ZNF93: variants seen among roughly 807,000 people sequenced by gnomAD.
ZNF93 encodes the protein zinc finger protein 505.
Under a neutral mutation model 45.0 loss-of-function variants are expected in ZNF93, and 29 were observed. The observed-to-expected ratio is 0.64, with a 90% CI of 0.48 to 0.88. The LOEUF (loss-of-function observed/expected upper bound fraction) is 0.88. Ranked by LOEUF, ZNF93 falls within the 40% of genes least tolerant of loss-of-function variation. The pLI, the probability that ZNF93 is intolerant of heterozygous loss-of-function variation, is 0.00. For missense variants in ZNF93, 578 were observed against 724.0 expected (o/e 0.80, Z 2.31); for synonymous variants, 223 against 244.6 (o/e 0.91, Z 0.82).
chr19:19,921,429 G>A (rs1389789742), intron 3 of ZNF93, among the ~76,000 whole-genome samples: 1 of 152,224 alleles, frequency 6.6e-6, no homozygotes, highest in Admixed American at 6.5e-5. Flanking sequence ...TTGATTTGGG[G>A]TGGAGAGTTC....
chr19:19,915,517 A>C (rs942977573), intron 2 of ZNF93, 111 bp downstream of exon 2: 45 of 1,394,890 alleles, frequency 3.2e-5, no homozygotes, highest in Non-Finnish European at 4.3e-5. Context: ...TTTCAGATCC[A>C]TTTTTTCCAG....
At chr19:19,918,492 G>A (rs1229961063) in intron 3 of ZNF93, among the ~76,000 whole-genome samples, 1 of 152,092 alleles carries the variant, frequency 6.6e-6, no homozygotes, top group African/African-American at 2.4e-5. Flanking sequence ...GGGTCCAATG[G>A]TATTTCTAGT....
chr19:19,933,739 T>C lies in ZNF93; in HGVS notation c.784T>C (p.Cys262Arg), dbSNP rs770168165. The C allele has an allele frequency of 2.5e-6, 4 of 1,613,028 alleles. No individual in the cohort carries two copies. The highest frequency in any genetic ancestry group is 4.5e-5 in the East Asian group (2 of 44,848). The change falls in exon 4 of 4, where the codon TGT becomes CGT. Residue 262 changes from cysteine to arginine, a missense_variant. This residue lies in a region of ZNF93 where 446 missense variants were observed against 547.6 expected (regional missense o/e 0.81). Transcript: ENST00000343769. ...AAAGAAACCCTACAAGTGTGAAGAA[T>C]GTGGCAAAGCTTTTAACCAATCCTC... Reference protein sequence around the residue: ...TGKKPYKCEECGKAFNQSSTL... With the variant: ...TGKKPYKCEERGKAFNQSSTL...
At chr19:19,917,375 G>T (rs1419783033) in intron 3 of ZNF93, among the ~76,000 whole-genome samples, 1 of 151,038 alleles carries the variant, frequency 6.6e-6, no homozygotes, top group Non-Finnish European at 1.5e-5. Context: ...AATTTATTTG[G>T]ATCTTCTAAT....
At chr19:19,922,154 C>CT (rs1257875232) in intron 3 of ZNF93, among the ~76,000 whole-genome samples, 2 of 152,306 alleles carry the variant, frequency 1.3e-5, no homozygotes, top group Admixed American at 6.5e-5. Flanking sequence ...GACAAAATCT[C>CT]TCAGCATTTG....
chr19:19,923,172 G>A (rs2063346523), intron 3 of ZNF93, among the ~76,000 whole-genome samples: 1 of 152,192 alleles, frequency 6.6e-6, no homozygotes, highest in African/African-American at 2.4e-5. Flanking sequence ...CTCAGCTGCA[G>A]GTCCGTTGGA....
rs751232612 is a variant in ZNF93, at chr19:19,933,792, T to C, written c.837T>C (p.His279=). Residue 279 remains histidine, a synonymous_variant, in exon 4 of 4, where the codon CAT becomes CAC. Transcript: ENST00000343769. ...CACTTACTAAACATAAGAAAATTCA[T>C]ACTGGAGAGAAACCCTACAAATGTG... ...SSTLTKHKKI[H]TGEKPYKCEE... The C allele has an allele frequency of 2.1e-5, 34 of 1,612,854 alleles. No homozygotes were observed. In the East Asian group the frequency reaches 5.4e-4, roughly 25 times the overall value.
intron 1 of ZNF93, among the ~76,000 whole-genome samples, chr19:19,901,601 C>T (rs1417383921): frequency 6.6e-6 from 1 of 152,108 alleles, no homozygotes; most frequent in Non-Finnish European, 1.5e-5. Flanking sequence ...AGAGACTCAA[C>T]TTCCTGGTCA....
intron 1 of ZNF93, among the ~76,000 whole-genome samples, chr19:19,905,984 A>G (rs1333807574): frequency 1.3e-5 from 2 of 152,188 alleles, no homozygotes; most frequent in Admixed American, 6.5e-5. Context: ...ATGAACATGA[A>G]TGTGGATGTG....
chr19:19,927,213 TATGGA>T (rs1157010591), intron 3 of ZNF93: 3 of 398,316 alleles, frequency 7.5e-6, no homozygotes, highest in African/African-American at 6.2e-5. Context: ...CTGGGCAACA[TATGGA>T]GACCCCTCTC....
intron 1 of ZNF93, 39 bp downstream of exon 1, chr19:19,901,130 G>A (rs746628391): frequency 9.3e-6 from 15 of 1,613,136 alleles, no homozygotes; most frequent in Admixed American, 5.0e-5. Flanking sequence ...GACGGGGAGG[G>A]GCTGGTTGGA....
At chr19:19,912,204 T>G (rs1024185233) in intron 1 of ZNF93, among the ~76,000 whole-genome samples, 19 of 152,274 alleles carry the variant, frequency 1.2e-4, no homozygotes, top group African/African-American at 4.1e-4. Flanking sequence ...CTACAGAAAC[T>G]CTGGGATTTA....
rs1313876826 is a variant in ZNF93, at chr19:19,934,500, C to G, written c.1545C>G (p.Gly515=). 1 of 1,613,234 alleles carries G rather than the reference C, an allele frequency of 6.2e-7. No individual in the cohort carries two copies. Among genetic ancestry groups the G allele is most frequent in the Non-Finnish European group, 8.5e-7 (1 of 1,179,988 alleles). Residue 515 remains glycine, a synonymous_variant, in exon 4 of 4, where the codon GGC becomes GGG. Transcript: ENST00000343769. The part of the protein sequence containing the change: ...GEKPYKCEEC[G]KAFNQSSTLI... ...AACCCTACAAATGTGAAGAATGTGG[C>G]AAAGCTTTTAACCAGTCCTCAACCC...
chr19:19,908,443 G>T (rs1324562569), intron 1 of ZNF93: 1 of 152,020 alleles, frequency 6.6e-6, no homozygotes, highest in African/African-American at 2.4e-5. Context: ...GTGCACTTTG[G>T]GTGTTTAGAA....
intron 1 of ZNF93, among the ~76,000 whole-genome samples, chr19:19,912,376 C>T (rs1353514120): frequency 6.6e-6 from 1 of 152,188 alleles, no homozygotes; most frequent in Non-Finnish European, 1.5e-5. Context: ...AGTATTGCCT[C>T]ACAGAACTCA....
intron 1 of ZNF93, among the ~76,000 whole-genome samples, chr19:19,912,476 C>G (rs904170821): frequency 1.4e-5 from 2 of 142,536 alleles, no homozygotes; most frequent in Admixed American, 1.4e-4. Context: ...GCAGATAAAT[C>G]GGGAAAAAAA....
chr19:19,930,459 C>CT (rs2063370224), intron 3 of ZNF93, among the ~76,000 whole-genome samples: 2 of 152,112 alleles, frequency 1.3e-5, no homozygotes, highest in African/African-American at 4.8e-5. Context: ...CTTCTCTAAA[C>CT]TCCCCCAGGG....
intron 1 of ZNF93, among the ~76,000 whole-genome samples, chr19:19,911,288 C>T (rs1311117644): frequency 6.6e-6 from 1 of 152,208 alleles, no homozygotes; most frequent in Non-Finnish European, 1.5e-5. Flanking sequence ...CTCTCACAAT[C>T]ACCCAGGTGT....
chr19:19,915,366 G>A lies in ZNF93; in HGVS notation c.90G>A (p.Arg30=). ...ACACTGCACAGCGGAATCTATATAG[G>A]AATGTGATGTTAGAGAACTACAGTA... ...CLDTAQRNLY[R]NVMLENYSNL... Residue 30 remains arginine, a synonymous_variant, in exon 2 of 4, where the codon AGG becomes AGA. Transcript: ENST00000343769. 6.2e-7 allele frequency: 1 copy of A among 1,614,060 alleles called. No homozygotes were observed. The highest frequency in any genetic ancestry group is 8.5e-7 in the Non-Finnish European group (1 of 1,179,976).
Sources: allele counts gnomAD v4.1 joint callset (sites outside exome capture counted in the v4.1 genomes callset), GRCh38; gene constraint gnomAD v4.1.1; regional missense constraint gnomAD v4.1.1; transcripts MANE v1.5; gene names NCBI Gene and HGNC (gene_info 2026-07-23, HGNC 2026-07-21).